Variants in ZFYVE16 observed in about 807,000 individuals in gnomAD.
ZFYVE16 encodes zinc finger FYVE-type containing 16.
In ZFYVE16, 89 loss-of-function variants were observed where a neutral mutation model predicts 138.1. The ratio of observed to expected loss-of-function variants is 0.64; its 90% CI spans 0.54 to 0.77. The LOEUF (loss-of-function observed/expected upper bound fraction) is 0.77. Ranked by LOEUF, ZFYVE16 falls within the 30% of genes least tolerant of loss-of-function variation. The pLI is 0.00. For synonymous variants in ZFYVE16, 596 were observed against 618.3 expected (o/e 0.96, Z 0.53); for missense variants, 1,793 against 1,786.7 (o/e 1.00, Z -0.06).
Position 80,438,793 on chromosome 5 carries a change from C to CT in ZFYVE16, c.2109dup (p.Asn704Ter). ...GCTGATCCACAGGTTAGCTTCAACT[C>CT]TAATTACATTGATATAGAAAGTAAT... On this transcript the variant is annotated frameshift_variant, in exon 4 of 19. Transcript: ENST00000505560. LOFTEE classifies it high-confidence loss of function. 1 of 1,614,078 alleles carries CT rather than the reference C, an allele frequency of 6.2e-7. No homozygotes were observed. Among genetic ancestry groups the CT allele is most frequent in the Non-Finnish European group, 8.5e-7 (1 of 1,179,978 alleles).
intron 11 of ZFYVE16, 107 bp from the exon 12 acceptor site, chr5:80,455,585 A>G: frequency 1.1e-6 from 1 of 887,850 alleles, no homozygotes; most frequent in Non-Finnish European, 1.8e-6. Context: ...TGATTGAGTG[A>G]TATTTATACA....
Position 80,450,045 on chromosome 5 carries a change from A to G in ZFYVE16, c.3226+332A>G, listed in dbSNP as rs188061066. 4.2e-3 allele frequency among the ~76,000 whole-genome samples: 640 copies of G among 152,286 alleles called. 4 individuals are homozygous for G. The highest frequency in any genetic ancestry group is 0.014 in the Middle Eastern group (4 of 294). ...AAATTTGGTAACTGAAATAAGCAGGAACCCTGATTTAGTAGCAATAAAGAC... is the reference window on the plus strand; with the variant it reads ...AAATTTGGTAACTGAAATAAGCAGGGACCCTGATTTAGTAGCAATAAAGAC... On this transcript the variant is annotated intron_variant, in intron 9 of 18. Coordinates refer to ENST00000505560, the MANE Select transcript of ZFYVE16 (RefSeq NM_001284236.3).
Position 80,472,179 on chromosome 5 carries a change from C to G in ZFYVE16, c.4025-582C>G, listed in dbSNP as rs373514744. 7.2e-5 allele frequency among the ~76,000 whole-genome samples: 11 copies of G among 152,178 alleles called. 1 individual carries two copies. Among genetic ancestry groups the G allele is most frequent in the African/African-American group, 2.4e-4 (10 of 41,540 alleles). On this transcript the variant is annotated intron_variant, in intron 15 of 18. Coordinates refer to ENST00000505560, the MANE Select transcript of ZFYVE16 (RefSeq NM_001284236.3). ...TTCCATGCAGTTTTCTAGTGCCCCC[C>G]TCTTAAGTGTCCTGACTGCAGATTC...
chr5:80,438,670 C>T lies in ZFYVE16; in HGVS notation c.1985C>T (p.Ser662Leu), dbSNP rs1580221222. 9 of 1,614,074 alleles carry T rather than the reference C, an allele frequency of 5.6e-6. No homozygotes were observed. The East Asian group carries it at 1.1e-4, about 20-fold the overall frequency. Residue 662 changes from serine to leucine, a missense_variant, in exon 4 of 19, where the codon TCA (serine) becomes TTA (leucine). Physicochemically the swap from Ser to Leu is moderately radical, Grantham distance 145. This residue lies in a region of ZFYVE16 where 1,295 missense variants were observed against 1,204.3 expected (regional missense o/e 1.08). Coordinates refer to ENST00000505560, the MANE Select transcript of ZFYVE16 (RefSeq NM_001284236.3). Reference sequence around the variant, plus strand: ...AGCCTTCCATCAAGAACAAGGAGTTCAAAGGACCTGAATAAGCCAGATGTT... The same window carrying T: ...AGCCTTCCATCAAGAACAAGGAGTTTAAAGGACCTGAATAAGCCAGATGTT... ...LFSLPSRTRSSKDLNKPDVPD... is the reference protein window; with the variant it reads ...LFSLPSRTRSLKDLNKPDVPD...
intron 1 of ZFYVE16, among the ~76,000 whole-genome samples, chr5:80,425,437 G>A (rs575185503): frequency 9.2e-5 from 14 of 151,912 alleles, no homozygotes; most frequent in African/African-American, 2.9e-4. Flanking sequence ...TTTTACTCCC[G>A]TTTACCCTTC....
intron 11 of ZFYVE16, chr5:80,454,673 AT>A (rs1212514063): frequency 1.3e-5 from 2 of 152,270 alleles, no homozygotes; most frequent in African/African-American, 4.8e-5. Flanking sequence ...CGCCCGGCTA[AT>A]TTTGTTTTTG....
intron 1 of ZFYVE16, among the ~76,000 whole-genome samples, chr5:80,420,114 T>C (rs1561233576): frequency 6.6e-6 from 1 of 150,508 alleles, no homozygotes; most frequent in Non-Finnish European, 1.5e-5. Flanking sequence ...CTGGCTTTTT[T>C]TTTTTCTTTT....
At chr5:80,457,435 T>G (rs1420744033) in intron 14 of ZFYVE16, among the ~76,000 whole-genome samples, 1 of 152,184 alleles carries the variant, frequency 6.6e-6, no homozygotes, top group African/African-American at 2.4e-5. Flanking sequence ...TCTTAGTTGG[T>G]GGAGCACAGG....
At position 80,437,598 on chromosome 5, in the gene ZFYVE16, A is replaced by G; in HGVS notation, c.913A>G (p.Ser305Gly). ...EEGKTSALTC[S>G]LPKNEDLCLN... ...GGGCAAGACAAGTGCTTTGACCTGC[A>G]GCCTTCCGAAAAATGAAGATTTATG... The change falls in exon 4 of 19, where the codon AGC becomes GGC. Residue 305 changes from serine (S) to glycine (G), a missense_variant. Ser to Gly is a moderately conservative substitution (Grantham distance 56). Transcript: ENST00000505560. The G allele has an allele frequency of 6.2e-7, 1 of 1,613,326 alleles. No homozygotes were observed. Among genetic ancestry groups the G allele is most frequent in the Non-Finnish European group, 8.5e-7 (1 of 1,179,768 alleles).
chr5:80,451,980 A>G, intron 11 of ZFYVE16: 1 of 354,698 alleles, frequency 2.8e-6, no homozygotes, highest in East Asian at 5.8e-5. Context: ...TTCACAGTGC[A>G]GGTTGAGTAT....
At chr5:80,414,259 A>C (rs1212660122) in intron 1 of ZFYVE16, among the ~76,000 whole-genome samples, 1 of 152,172 alleles carries the variant, frequency 6.6e-6, no homozygotes, top group Non-Finnish European at 1.5e-5. Context: ...CACATCTGAT[A>C]ATCTGTTTTG....
intron 2 of ZFYVE16, among the ~76,000 whole-genome samples, chr5:80,428,973 C>T (rs1008767259): frequency 1.6e-4 from 25 of 152,258 alleles, no homozygotes; most frequent in South Asian, 1.2e-3. Flanking sequence ...ACCAAATCTA[C>T]GTCTAATTGG....
chr5:80,416,706 T>C (rs1746313615), intron 1 of ZFYVE16, among the ~76,000 whole-genome samples: 1 of 152,106 alleles, frequency 6.6e-6, no homozygotes, highest in African/African-American at 2.4e-5. Context: ...ACTTTTACTT[T>C]CTGGCATTAC....
In ZFYVE16 at chr5:80,437,259, AT is replaced by A. The variant is rs774738156; in HGVS notation, c.575del (p.Ile192ThrfsTer18). 3 of 1,613,564 alleles carry A rather than the reference AT, an allele frequency of 1.9e-6. No homozygotes were observed. The highest frequency in any genetic ancestry group is 1.7e-6 in the Non-Finnish European group (2 of 1,179,714). On this transcript the variant is annotated frameshift_variant, in exon 4 of 19. Transcript: ENST00000505560. LOFTEE classifies it high-confidence loss of function. ...SDTVREQQNDISSELQNREIG... is the reference protein window; with the variant it reads ...SDTVREQQNDXSSELQNREIG... ...TACTGTCAGAGAACAACAGAATGAT[AT>A]CAGTTCTGAATTACAAAATAGAGAA...
rs1750247647 is a variant in ZFYVE16 at position 80,438,420 on chromosome 5, T to A, written c.1735T>A (p.Phe579Ile). 1 of 1,613,770 alleles carries A rather than the reference T, an allele frequency of 6.2e-7. No individual in the cohort carries two copies. Among genetic ancestry groups the A allele is most frequent in the Non-Finnish European group, 8.5e-7 (1 of 1,179,886 alleles). Residue 579 changes from phenylalanine (F) to isoleucine (I), a missense_variant, in exon 4 of 19, where the codon TTC (phenylalanine) becomes ATC (isoleucine). Phe to Ile is a conservative substitution (Grantham distance 21). This residue lies in a region of ZFYVE16 where 1,295 missense variants were observed against 1,204.3 expected (regional missense o/e 1.08). Transcript: ENST00000505560. ...TGATGGAAACATCAATAATATATATTTCAATGCAGAAGCAGGAGCTATTGG... is the reference window on the plus strand; with the variant it reads ...TGATGGAAACATCAATAATATATATATCAATGCAGAAGCAGGAGCTATTGG... ...LDDGNINNIY[F>I]NAEAGAIGES...
At chr5:80,473,554 T>A (rs1012226197) in intron 16 of ZFYVE16, among the ~76,000 whole-genome samples, 200 bp from the exon 17 acceptor site, 2 of 152,210 alleles carry the variant, frequency 1.3e-5, no homozygotes, top group Non-Finnish European at 2.9e-5. Context: ...GGAGATACAA[T>A]TTATTGATGA....
intron 15 of ZFYVE16, among the ~76,000 whole-genome samples, chr5:80,472,550 A>G (rs181451169): frequency 7.4e-6 from 1 of 134,396 alleles, no homozygotes; most frequent in East Asian, 2.4e-4. Context: ...AGCCAGAAGC[A>G]GAAATTCTCT....
At chr5:80,440,888 CTT>C in intron 5 of ZFYVE16, 1 of 985,290 alleles carries the variant, frequency 1.0e-6, no homozygotes, top group Non-Finnish European at 1.2e-6. Flanking sequence ...TTGTTTTTCT[CTT>C]TTGAATGAAG....
At chr5:80,448,798 A>G (rs1274064281) in intron 8 of ZFYVE16, among the ~76,000 whole-genome samples, 2 of 152,134 alleles carry the variant, frequency 1.3e-5, no homozygotes, top group African/African-American at 4.8e-5. Flanking sequence ...GCTACTTTTT[A>G]CATCTATGAC....
Sources: gnomAD v4.1 joint callset for allele counts (sites outside exome capture counted in the v4.1 genomes callset) on GRCh38, gnomAD v4.1.1 for gene constraint, gnomAD v4.1.1 regional missense constraint, MANE v1.5 for transcripts, NCBI Gene and HGNC (gene_info 2026-07-23, HGNC 2026-07-21) for gene names.